Variants in PITPNM2 observed in about 807,000 individuals in gnomAD.
PITPNM2 encodes the protein phosphatidylinositol transfer protein membrane associated 2.
Under a neutral mutation model 132.2 loss-of-function variants are expected in PITPNM2, and 35 were observed. The ratio of observed to expected loss-of-function variants is 0.26; its 90% confidence interval spans 0.20 to 0.35. The LOEUF (loss-of-function observed/expected upper bound fraction) is 0.35, where lower values mean the gene tolerates loss of function less well. Ranked by LOEUF, PITPNM2 falls within the 10% of genes least tolerant of loss-of-function variation. The probability of loss-of-function intolerance (pLI) is 1.00; values close to 1 mark genes in which losing one functional copy is unlikely to be tolerated. For missense variants in PITPNM2, 1,332 were observed against 1,912.0 expected (o/e 0.70, Z 5.66); for synonymous variants, 738 against 799.2 (o/e 0.92, Z 1.29).
chr12:123,048,873 C>A (rs1269079543), intron 2 of PITPNM2, among the ~76,000 whole-genome samples: 5 of 152,102 alleles, frequency 3.3e-5, no homozygotes, highest in Admixed American at 3.3e-4. Context: ...GTGGCTCATG[C>A]ATATAATCCC....
In PITPNM2 at chr12:122,997,052, G is replaced by A; in HGVS notation, c.1473-142C>T. On this transcript the variant is annotated intron_variant, in intron 11 of 25. Coordinates refer to ENST00000320201, the MANE Select transcript of PITPNM2 (RefSeq NM_020845.3). ...CGGCCAGGGCCTGGATAGGCTTGGG[G>A]GACCAGGGTGGGTAAGACCCCATGT... The A allele has an allele frequency of 3.1e-6, 3 of 967,826 alleles. No individual in the cohort carries two copies. The East Asian group carries it at 7.9e-5, about 25-fold the overall frequency. 60.0% of individuals were successfully genotyped at this position (967,826 alleles called of 1,614,324 possible).
intron 3 of PITPNM2, among the ~76,000 whole-genome samples, chr12:123,017,705 A>G (rs2039482821): frequency 6.6e-6 from 1 of 152,260 alleles, no homozygotes; most frequent in Admixed American, 6.5e-5. Context: ...AAGTAATGCT[A>G]CATACCACAA....
chr12:123,102,387 C>CAA (rs144303712), intron 2 of PITPNM2, among the ~76,000 whole-genome samples: 1 of 152,338 alleles, frequency 6.6e-6, no homozygotes, highest in African/African-American at 2.4e-5. Context: ...AGAATGGTCT[C>CAA]CTGGGGCAGC....
At chr12:123,049,164 A>ACC (rs1192256338) in intron 2 of PITPNM2, among the ~76,000 whole-genome samples, 1 of 150,386 alleles carries the variant, frequency 6.6e-6, no homozygotes, top group Non-Finnish European at 1.5e-5. Context: ...ACACACACAC[A>ACC]CCCCTCCTAC....
At chr12:123,040,794 A>T (rs562285452) in intron 2 of PITPNM2, among the ~76,000 whole-genome samples, 2 of 152,346 alleles carry the variant, frequency 1.3e-5, no homozygotes, top group East Asian at 3.9e-4. Context: ...TACTTTTTTT[A>T]AAAAAGATTA....
intron 3 of PITPNM2, among the ~76,000 whole-genome samples, chr12:123,030,076 A>G (rs1227907019): frequency 2.6e-5 from 4 of 151,578 alleles, no homozygotes; most frequent in East Asian, 1.9e-4. Context: ...GAAATCACTC[A>G]TGCTGCCCAT....
intron 1 of PITPNM2, among the ~76,000 whole-genome samples, chr12:123,119,109 G>C (rs1207730907): frequency 6.6e-6 from 1 of 152,098 alleles, no homozygotes; most frequent in African/African-American, 2.4e-5. Context: ...TTTACCAAGG[G>C]CCTCTTCAGG....
chr12:123,117,080 C>A lies in PITPNM2; in HGVS notation c.-199-6592G>T, dbSNP rs2042948139. Among the ~76,000 whole-genome samples the A allele has an allele frequency of 2.0e-5, 3 of 152,216 alleles. No individual in the cohort carries two copies. The South Asian group carries it at 6.2e-4, about 32-fold the overall frequency. ...AACTGATGGTGGCCAAGCTCTCTAGCGGGTTTGCAGGAAGTTCTACTTCCA... is the reference window on the plus strand; with the variant it reads ...AACTGATGGTGGCCAAGCTCTCTAGAGGGTTTGCAGGAAGTTCTACTTCCA... On this transcript the variant is annotated intron_variant, in intron 1 of 25. Transcript: ENST00000320201. This position sits in a 1 kb window ranked among gnomAD's most constrained non-coding sequence, Gnocchi z 4.7.
In PITPNM2 at chr12:123,078,870, C is replaced by T. The variant is rs1400013884; in HGVS notation, c.-96+31515G>A. On this transcript the variant is annotated intron_variant, in intron 2 of 25. Coordinates refer to ENST00000320201, the MANE Select transcript of PITPNM2 (RefSeq NM_020845.3). This position sits in a 1 kb window ranked among gnomAD's most constrained non-coding sequence, Gnocchi z 7.3. ...TCGATACTGGCTTCAGCCACCTGGCCCCACTCATACTGGGAGCAGCGAAAT... is the reference window on the plus strand; with the variant it reads ...TCGATACTGGCTTCAGCCACCTGGCTCCACTCATACTGGGAGCAGCGAAAT... Among the ~76,000 whole-genome samples the T allele has an allele frequency of 6.6e-6, 1 of 152,228 alleles. No homozygotes were observed. Among genetic ancestry groups the T allele is most frequent in the Non-Finnish European group, 1.5e-5 (1 of 68,040 alleles).
Position 123,099,828 on chromosome 12 carries a change from G to T in PITPNM2, c.-96+10557C>A, listed in dbSNP as rs2042511900. 6.6e-6 allele frequency among the ~76,000 whole-genome samples: 1 copy of T among 152,070 alleles called. No individual in the cohort carries two copies. Among genetic ancestry groups the T allele is most frequent in the African/African-American group, 2.4e-5 (1 of 41,396 alleles). ...GGAGAGAGATGCACAGATGTGCCAG[G>T]CACTGACAGCCTGGGAGGCCTATTC... On this transcript the variant is annotated intron_variant, in intron 2 of 25. Coordinates refer to ENST00000320201, the MANE Select transcript of PITPNM2 (RefSeq NM_020845.3). The surrounding 1 kb of genome is among the most constrained non-coding windows in gnomAD (Gnocchi z 4.2).
intron 1 of PITPNM2, among the ~76,000 whole-genome samples, chr12:123,130,492 G>A (rs2137544882): frequency 6.6e-6 from 1 of 152,246 alleles, no homozygotes; most frequent in South Asian, 2.1e-4. Context: ...AGAAACAAAA[G>A]AAAGCTTTGA....
chr12:123,105,928 G>A (rs2042699168), intron 2 of PITPNM2, among the ~76,000 whole-genome samples: 1 of 152,142 alleles, frequency 6.6e-6, no homozygotes, highest in African/African-American at 2.4e-5. Context: ...AAGACAGCAG[G>A]GCACCCGGCC....
Position 122,983,700 on chromosome 12 carries a change from G to A in PITPNM2, c.*2327C>T, listed in dbSNP as rs1039584576. On this transcript the variant is annotated 3_prime_UTR_variant, in exon 26 of 26. Coordinates refer to ENST00000320201, the MANE Select transcript of PITPNM2 (RefSeq NM_020845.3). ...AGTGGGACTCAGACCGAGCCAGGGA[G>A]GGGTGGGGGGTCTCTGCTGAATCCC... 6.6e-5 allele frequency: 10 copies of A among 152,322 alleles called. No homozygotes were observed. The East Asian group carries it at 1.9e-3, about 29-fold the overall frequency. The allele number at this position is 152,322 out of a possible 1,614,324, so 9.4% of individuals were successfully genotyped here.
At position 123,078,174 on chromosome 12, in the gene PITPNM2, T is replaced by C. The variant is rs2041850102; in HGVS notation, c.-96+32211A>G. 6.6e-6 allele frequency among the ~76,000 whole-genome samples: 1 copy of C among 151,956 alleles called. No individual in the cohort carries two copies. The highest frequency in any genetic ancestry group is 6.5e-5 in the Admixed American group (1 of 15,270). ...CTGGGACCACTGAGCTGAGTTGCCA[T>C]GGAGAAAGGGGAGCCGCTGGCAGAG... On this transcript the variant is annotated intron_variant, in intron 2 of 25. Coordinates refer to ENST00000320201, the MANE Select transcript of PITPNM2 (RefSeq NM_020845.3). This position sits in a 1 kb window ranked among gnomAD's most constrained non-coding sequence, Gnocchi z 7.3.
rs2136108672 is a variant in PITPNM2, at chr12:122,994,791, G to A, written c.2233+10C>T. On this transcript the variant is annotated intron_variant, in intron 15 of 25. Transcript: ENST00000320201. The surrounding 1 kb of genome is among the most constrained non-coding windows in gnomAD (Gnocchi z 5.4). The stretch of plus-strand genomic sequence containing the variant: ...ATGTACCCCCCATCCTGCCCCTGCT[G>A]GGCTCTCACCATCCAGGGCTGGGAT... 6.2e-7 allele frequency: 1 copy of A among 1,605,424 alleles called. No individual in the cohort carries two copies. Among genetic ancestry groups the A allele is most frequent in the Non-Finnish European group, 8.5e-7 (1 of 1,177,988 alleles).
rs1252531354 is a variant in PITPNM2, at chr12:123,022,484, G to A, written c.79-8442C>T. ...GAGAGAGGGCTTCCTGGAAAAAGAG[G>A]CTACCAAGGGAGGCAAAGAGCATGA... On this transcript the variant is annotated intron_variant, in intron 3 of 25. Coordinates refer to ENST00000320201, the MANE Select transcript of PITPNM2 (RefSeq NM_020845.3). The surrounding 1 kb of genome is among the most constrained non-coding windows in gnomAD (Gnocchi z 4.9). Among the ~76,000 whole-genome samples the A allele has an allele frequency of 1.3e-5, 2 of 152,114 alleles. No individual in the cohort carries two copies. Among genetic ancestry groups the A allele is most frequent in the African/African-American group, 2.4e-5 (1 of 41,422 alleles).
At chr12:123,087,144 C>T (rs2042134012) in intron 2 of PITPNM2, 1 of 152,258 alleles carries the variant, frequency 6.6e-6, no homozygotes, top group Non-Finnish European at 1.5e-5. Flanking sequence ...ATAGCGGGCC[C>T]TGCACACTTA....
At chr12:123,040,909 C>T (rs1001124143) in intron 2 of PITPNM2, among the ~76,000 whole-genome samples, 7 of 152,064 alleles carry the variant, frequency 4.6e-5, no homozygotes, top group African/African-American at 1.7e-4. Context: ...GTGGAATAAA[C>T]GTTGACTGAA....
chr12:123,054,332 C>T (rs373324866), intron 2 of PITPNM2, among the ~76,000 whole-genome samples: 8 of 152,254 alleles, frequency 5.3e-5, no homozygotes, highest in African/African-American at 1.9e-4. Context: ...ATTTCTTAGC[C>T]CCTAAAGGCA....
Sources: allele counts gnomAD v4.1 joint callset (sites outside exome capture counted in the v4.1 genomes callset), GRCh38; gene constraint gnomAD v4.1.1; non-coding constraint Gnocchi (gnomAD v3.1); transcripts MANE v1.5; gene names NCBI Gene and HGNC (gene_info 2026-07-23, HGNC 2026-07-21).